CADPS2: variants seen among roughly 807,000 people sequenced by gnomAD.
CADPS2 encodes calcium dependent secretion activator 2, also known as calcium-dependent secretion activator 2.
CADPS2 carries 93 observed loss-of-function variants against 172.5 expected under a neutral mutation model. The observed-to-expected ratio is 0.54, with a 90% CI of 0.46 to 0.64. The LOEUF is 0.64. Among genes scored for constraint, CADPS2 ranks in the 30% least tolerant of loss-of-function variants. The pLI, the probability that CADPS2 is intolerant of heterozygous loss-of-function variation, is 0.00. For missense variants in CADPS2, 1,420 were observed against 1,565.9 expected (o/e 0.91, Z 1.57); for synonymous variants, 546 against 555.2 (o/e 0.98, Z 0.23).
At chr7:122,645,472 T>G (rs1439135790) in intron 3 of CADPS2, among the ~76,000 whole-genome samples, 2 of 97,950 alleles carry the variant, frequency 2.0e-5, no homozygotes, top group Admixed American at 2.2e-4. Context: ...TGTGTATATA[T>G]GTATATATAT....
intron 27 of CADPS2, 143 bp downstream of exon 27, chr7:122,360,645 A>C: frequency 1.5e-6 from 1 of 689,606 alleles, no homozygotes; most frequent in Non-Finnish European, 2.5e-6. Context: ...TCTTGTTATG[A>C]AGGTTAGTGC....
At chr7:122,699,224 T>C (rs1310049462) in intron 2 of CADPS2, 2 of 245,460 alleles carry the variant, frequency 8.1e-6, no homozygotes, top group African/African-American at 4.5e-5. Flanking sequence ...TAGAGCATAC[T>C]GTGAATTTAT....
intron 4 of CADPS2, among the ~76,000 whole-genome samples, chr7:122,621,919 G>A (rs1024659431): frequency 5.3e-5 from 8 of 152,020 alleles, no homozygotes; most frequent in African/African-American, 1.7e-4. Flanking sequence ...ATCTTATTGA[G>A]GATCACTGCA....
At chr7:122,368,432 C>T (rs2041270067) in intron 25 of CADPS2, among the ~76,000 whole-genome samples, 1 of 152,200 alleles carries the variant, frequency 6.6e-6, no homozygotes, top group East Asian at 1.9e-4. Context: ...GCTTAGGGAC[C>T]ACAGGGGCCA....
At chr7:122,852,003 A>G (rs1006116927) in intron 1 of CADPS2, among the ~76,000 whole-genome samples, 1 of 152,228 alleles carries the variant, frequency 6.6e-6, no homozygotes. Flanking sequence ...AAACCAGGAA[A>G]CTGAGGCATA....
At chr7:122,433,658 T>A (rs2050264598) in intron 17 of CADPS2, among the ~76,000 whole-genome samples, 1 of 152,138 alleles carries the variant, frequency 6.6e-6, no homozygotes, top group Admixed American at 6.6e-5. Context: ...CCATTTTGGC[T>A]CCCCAAAGTG....
At chr7:122,502,163 T>C (rs2059260302) in intron 9 of CADPS2, among the ~76,000 whole-genome samples, 1 of 152,116 alleles carries the variant, frequency 6.6e-6, no homozygotes, top group Non-Finnish European at 1.5e-5. Flanking sequence ...ACGCTTTTAT[T>C]CTCTTTTCTC....
At chr7:122,398,359 C>T (rs2045444665) in intron 20 of CADPS2, among the ~76,000 whole-genome samples, 1 of 152,038 alleles carries the variant, frequency 6.6e-6, no homozygotes, top group Non-Finnish European at 1.5e-5. Flanking sequence ...CCATATAATC[C>T]AATTTTATAG....
chr7:122,835,245 A>C (rs1807992381), intron 1 of CADPS2, among the ~76,000 whole-genome samples: 1 of 152,206 alleles, frequency 6.6e-6, no homozygotes, highest in Admixed American at 6.5e-5. Flanking sequence ...AAGGAAAACT[A>C]ACAAACAGAA....
chr7:122,388,457 A>G, intron 23 of CADPS2, 126 bp downstream of exon 23: 1 of 992,174 alleles, frequency 1.0e-6, no homozygotes, highest in Admixed American at 2.9e-5. Context: ...CCTAATACTC[A>G]TTAAATGTTG....
intron 19 of CADPS2, chr7:122,409,716 T>C (rs1161934326): frequency 4.4e-6 from 2 of 452,492 alleles, no homozygotes; most frequent in Non-Finnish European, 9.3e-6. Flanking sequence ...GGGTCTTGTC[T>C]ACAACCTGTC....
At chr7:122,373,188 T>C (rs1487455492) in intron 25 of CADPS2, among the ~76,000 whole-genome samples, 1 of 152,158 alleles carries the variant, frequency 6.6e-6, no homozygotes, top group Non-Finnish European at 1.5e-5. Flanking sequence ...TATTTTTTTT[T>C]TAATATCCTG....
intron 1 of CADPS2, among the ~76,000 whole-genome samples, chr7:122,762,029 TACACACACACACACAC>T (rs55789434): frequency 8.0e-6 from 1 of 124,272 alleles, no homozygotes; most frequent in South Asian, 2.5e-4. Context: ...TATATATATA[TACACACACACACACAC>T]ACACACACAC....
intron 1 of CADPS2, among the ~76,000 whole-genome samples, chr7:122,774,310 A>ACACT (rs1300068224): frequency 1.4e-5 from 2 of 144,954 alleles, no homozygotes; most frequent in African/African-American, 5.1e-5. Context: ...ACACACACAC[A>ACACT]CTCTGGAAAC....
At chr7:122,664,428 A>G (rs767784471) in intron 2 of CADPS2, among the ~76,000 whole-genome samples, 1 of 151,186 alleles carries the variant, frequency 6.6e-6, no homozygotes, top group Non-Finnish European at 1.5e-5. Flanking sequence ...AAAATAAAAT[A>G]AAAACAACAA....
chr7:122,738,117 T>C (rs1334401073), intron 1 of CADPS2, among the ~76,000 whole-genome samples: 2 of 152,130 alleles, frequency 1.3e-5, no homozygotes, highest in Admixed American at 6.5e-5. Context: ...GGGTCTAGCT[T>C]CCATAATTAA....
chr7:122,699,586 T>G (rs1295748224), intron 2 of CADPS2, among the ~76,000 whole-genome samples: 2 of 152,204 alleles, frequency 1.3e-5, no homozygotes, highest in Non-Finnish European at 2.9e-5. Flanking sequence ...TTGCATTTAT[T>G]TAATTTAAGC....
At chr7:122,781,882 A>G (rs1434532791) in intron 1 of CADPS2, among the ~76,000 whole-genome samples, 1 of 152,188 alleles carries the variant, frequency 6.6e-6, no homozygotes, top group African/African-American at 2.4e-5. Flanking sequence ...ACGGTGAAAT[A>G]TGAAATAAAA....
intron 29 of CADPS2, 78 bp from the exon 30 acceptor site, chr7:122,320,416 C>A (rs1356550621): frequency 3.5e-6 from 4 of 1,146,682 alleles, no homozygotes; most frequent in African/African-American, 3.2e-5. Context: ...GTTGGCATTT[C>A]AAAAATGATC....
Sources: gnomAD v4.1 joint callset for allele counts (sites outside exome capture counted in the v4.1 genomes callset) on GRCh38, gnomAD v4.1.1 for gene constraint, MANE v1.5 for transcripts, NCBI Gene and HGNC (gene_info 2026-07-23, HGNC 2026-07-21) for gene names.